CCDC39: variants seen among roughly 807,000 people sequenced by gnomAD.
The protein encoded by CCDC39 is coiled-coil domain 39 molecular ruler complex subunit.
CCDC39 carries 113 observed loss-of-function variants against 121.0 expected under a neutral mutation model. That is an observed-to-expected ratio of 0.93 (90% CI 0.80 to 1.09). The LOEUF (loss-of-function observed/expected upper bound fraction) is 1.09, where lower values mean the gene tolerates loss of function less well. CCDC39 is among the 50% of genes least tolerant of loss of function. CCDC39 has a pLI of 0.00. For missense variants in CCDC39, 1,063 were observed against 1,074.7 expected (o/e 0.99, Z 0.15); for synonymous variants, 349 against 352.2 (o/e 0.99, Z 0.10).
chr3:180,644,115 T>C lies in CCDC39; in HGVS notation c.1665+5A>G, dbSNP rs560658609. 2.1e-4 allele frequency: 323 copies of C among 1,536,812 alleles called. No individual in the cohort carries two copies. Among genetic ancestry groups the C allele is most frequent in the Non-Finnish European group, 1.7e-4 (196 of 1,141,448 alleles). ...ATACTACATATGCATACAATTTTAC[T>C]GCACCTGCTTAAAACCTTTGGCTTT... On this transcript the variant is annotated splice_donor_5th_base_variant and intron_variant, in intron 12 of 19. Coordinates refer to ENST00000476379, the MANE Select transcript of CCDC39 (RefSeq NM_181426.2).
intron 1 of CCDC39, among the ~76,000 whole-genome samples, chr3:180,678,044 A>C (rs1712283288): frequency 6.6e-6 from 1 of 152,226 alleles, no homozygotes; most frequent in Non-Finnish European, 1.5e-5. Context: ...TATGGCAAGA[A>C]TACTAAAACC....
At chr3:180,655,198 A>T (rs952872913) in intron 6 of CCDC39, among the ~76,000 whole-genome samples, 5 of 152,138 alleles carry the variant, frequency 3.3e-5, no homozygotes, top group African/African-American at 1.2e-4. Flanking sequence ...TGCTAAAGAG[A>T]TGAGAAAAAT....
At chr3:180,658,306 A>T (rs1417139354) in intron 6 of CCDC39, among the ~76,000 whole-genome samples, 1 of 145,902 alleles carries the variant, frequency 6.9e-6, no homozygotes, top group African/African-American at 2.5e-5. Flanking sequence ...AAGAATTAAG[A>T]GAACCTCTGC....
rs750086296 is a variant in CCDC39, at chr3:180,616,555, ATTTTC to A, written c.2542_2546del (p.Glu848TyrfsTer2). On this transcript the variant is annotated frameshift_variant, in exon 18 of 20. Coordinates refer to ENST00000476379, the MANE Select transcript of CCDC39 (RefSeq NM_181426.2). LOFTEE classifies it high-confidence loss of function. ...TTTGAAGGATAATACGGATCTCAGT[ATTTTC>A]TTCTATGATATCAACTAACATTTCA... The A allele has an allele frequency of 1.9e-6, 3 of 1,593,866 alleles. No homozygotes were observed. The highest frequency in any genetic ancestry group is 1.3e-5 in the African/African-American group (1 of 74,194).
At chr3:180,665,106 A>G (rs1046721748) in intron 1 of CCDC39, among the ~76,000 whole-genome samples, 1 of 152,198 alleles carries the variant, frequency 6.6e-6, no homozygotes, top group Non-Finnish European at 1.5e-5. Context: ...GGCATCAAGC[A>G]TGATTTCTTC....
At chr3:180,621,346 T>C (rs1015794946) in intron 14 of CCDC39, among the ~76,000 whole-genome samples, 1 of 152,094 alleles carries the variant, frequency 6.6e-6, no homozygotes, top group African/African-American at 2.4e-5. Flanking sequence ...CATTCTGTTT[T>C]CCATAGAGGT....
At chr3:180,633,899 A>C (rs1399981089) in intron 13 of CCDC39, among the ~76,000 whole-genome samples, 1 of 152,058 alleles carries the variant, frequency 6.6e-6, no homozygotes, top group African/African-American at 2.4e-5. Flanking sequence ...GGCTGAGCAT[A>C]CCCACTGGTA....
intron 6 of CCDC39, among the ~76,000 whole-genome samples, chr3:180,655,440 G>T (rs1289816995): frequency 6.6e-6 from 1 of 151,546 alleles, no homozygotes; most frequent in Admixed American, 6.6e-5. Context: ...CACTGTAACT[G>T]AAATGTGGAC....
intron 9 of CCDC39, 106 bp from the exon 10 acceptor site, chr3:180,648,465 T>C (rs759045384): frequency 1.3e-6 from 1 of 747,434 alleles, no homozygotes; most frequent in Non-Finnish European, 2.0e-6. Context: ...CCCTCCACTA[T>C]TTTAGCCCTT....
intron 1 of CCDC39, among the ~76,000 whole-genome samples, chr3:180,669,070 C>T (rs1425914304): frequency 6.6e-6 from 1 of 152,202 alleles, no homozygotes; most frequent in Non-Finnish European, 1.5e-5. Context: ...AGATTCATAA[C>T]TCTTTTTTCA....
rs1054801797 is a variant in CCDC39, at chr3:180,679,231, C to G, written c.90+60G>C. 1 of 1,368,616 alleles carries G rather than the reference C, an allele frequency of 7.3e-7. No homozygotes were observed. Among genetic ancestry groups the G allele is most frequent in the African/African-American group, 1.4e-5 (1 of 70,348 alleles). 84.8% of individuals were successfully genotyped at this position (1,368,616 alleles called of 1,614,324 possible). A position where few individuals can be genotyped will look rare whatever the true frequency, so the allele number is the denominator to read the frequency against. ...AAAAGGGCTGGGGTAGTACTGCCAA[C>G]CAGAAAACGCCCCCAACAGGCTCTC... is the stretch of plus-strand genomic sequence containing the variant. On this transcript the variant is annotated intron_variant, in intron 1 of 19. Transcript: ENST00000476379. This position sits in a 1 kb window ranked among gnomAD's most constrained non-coding sequence, Gnocchi z 4.0.
At chr3:180,651,561 G>GA (rs1218395442) in intron 8 of CCDC39, 28 bp from the exon 9 acceptor site, 1 of 1,493,202 alleles carries the variant, frequency 6.7e-7, no homozygotes, top group Non-Finnish European at 8.9e-7. Context: ...CAAAAAGATA[G>GA]AAAACGTGCC....
At chr3:180,676,955 T>C (rs574049678) in intron 1 of CCDC39, among the ~76,000 whole-genome samples, 6 of 150,518 alleles carry the variant, frequency 4.0e-5, no homozygotes, top group African/African-American at 1.5e-4. Context: ...ATGCGAACAC[T>C]TGGATACAGG....
intron 13 of CCDC39, among the ~76,000 whole-genome samples, chr3:180,637,089 T>G (rs1343973006): frequency 1.3e-5 from 2 of 152,066 alleles, no homozygotes; most frequent in Non-Finnish European, 1.5e-5. Flanking sequence ...GGGATCTAAT[T>G]AAAACTGAAG....
intron 1 of CCDC39, 57 bp from the exon 2 acceptor site, chr3:180,664,043 G>T: frequency 6.8e-7 from 1 of 1,474,164 alleles, no homozygotes. Context: ...ACCATATGAA[G>T]GACCTAAAAT....
intron 11 of CCDC39, among the ~76,000 whole-genome samples, chr3:180,646,107 G>A (rs1718061476): frequency 6.6e-6 from 1 of 152,028 alleles, no homozygotes; most frequent in Non-Finnish European, 1.5e-5. Flanking sequence ...TAATAGACGA[G>A]TAAACTAGAG....
At chr3:180,647,904 A>T (rs1422230017) in intron 10 of CCDC39, among the ~76,000 whole-genome samples, 1 of 151,972 alleles carries the variant, frequency 6.6e-6, no homozygotes, top group East Asian at 1.9e-4. Flanking sequence ...CTGGATGCAA[A>T]TGTCTCAGGT....
chr3:180,623,008 T>G (rs1181897276), intron 14 of CCDC39, among the ~76,000 whole-genome samples: 1 of 151,830 alleles, frequency 6.6e-6, no homozygotes, highest in African/African-American at 2.4e-5. Context: ...TTAGTTCTTC[T>G]TTGTATGCTT....
intron 1 of CCDC39, among the ~76,000 whole-genome samples, chr3:180,677,837 T>A (rs931771059): frequency 3.3e-5 from 5 of 152,150 alleles, no homozygotes; most frequent in Non-Finnish European, 4.4e-5. Flanking sequence ...GGAAATACCT[T>A]ATGTTTTTAT....
Sources: gnomAD v4.1 joint callset for allele counts (sites outside exome capture counted in the v4.1 genomes callset) on GRCh38, gnomAD v4.1.1 for gene constraint, Gnocchi (gnomAD v3.1) non-coding constraint, MANE v1.5 for transcripts, NCBI Gene and HGNC (gene_info 2026-07-23, HGNC 2026-07-21) for gene names.